The following PTPRD variants were observed in gnomAD, a reference collection of about 807,000 sequenced individuals.
PTPRD encodes the protein receptor-type tyrosine-protein phosphatase delta.
In PTPRD, 34 loss-of-function variants were observed where a neutral mutation model predicts 214.5. The observed-to-expected ratio is 0.16, with a 90% CI of 0.12 to 0.21. The LOEUF is 0.21. Among genes scored for constraint, PTPRD ranks in the 10% least tolerant of loss-of-function variants. The pLI, the probability that PTPRD is intolerant of heterozygous loss-of-function variation, is 1.00. For missense variants in PTPRD, 2,545 were observed against 2,398.7 expected (o/e 1.06, Z -1.27); for synonymous variants, 1,128 against 845.7 (o/e 1.33, Z -5.79).
intron 11 of PTPRD, among the ~76,000 whole-genome samples, chr9:8,781,506 T>A (rs1309516074): frequency 1.3e-5 from 2 of 152,156 alleles, no homozygotes; most frequent in African/African-American, 4.8e-5. Flanking sequence ...GGTTTTAAAG[T>A]AAGAGTACAA....
In PTPRD at chr9:8,633,438, C is replaced by A. The variant is rs145907213; in HGVS notation, c.231G>T (p.Gly77=). ...QRFEVIEFDD[G]SGSVLRIQPL... ...GTTGTATTCTGAGAACTGATCCAGA[C>A]CCATCGTCAAACTCTATTACCTATT... Residue 77 remains glycine, a synonymous_variant, in exon 14 of 46, where the codon GGG becomes GGT. Transcript: ENST00000381196. The A allele has an allele frequency of 1.9e-6, 3 of 1,612,268 alleles. No individual in the cohort carries two copies. The highest frequency in any genetic ancestry group is 2.5e-6 in the Non-Finnish European group (3 of 1,178,948).
intron 7 of PTPRD, among the ~76,000 whole-genome samples, chr9:9,677,721 C>A (rs916504202): frequency 2.6e-5 from 4 of 151,878 alleles, no homozygotes; most frequent in Non-Finnish European, 4.4e-5. Context: ...CTGGCCAGGG[C>A]TATCAGGCAG....
intron 9 of PTPRD, among the ~76,000 whole-genome samples, chr9:9,262,597 A>T (rs1283649161): frequency 6.6e-6 from 1 of 150,618 alleles, no homozygotes; most frequent in East Asian, 2.0e-4. Context: ...ATAAATGAGT[A>T]AAAAAAAATG....
chr9:9,234,558 G>C lies in PTPRD; in HGVS notation c.-202-51195C>G, dbSNP rs191154553. On this transcript the variant is annotated intron_variant, in intron 9 of 45. Coordinates refer to ENST00000381196, the MANE Select transcript of PTPRD (RefSeq NM_002839.4). ...TTTCTTCTTTTCTATGACATCACCC[G>C]GCTGCAAATTTTCCAAACTTTTATG... Among the ~76,000 whole-genome samples the C allele has an allele frequency of 4.0e-3, 602 of 152,138 alleles. 2 individuals are homozygous for C. The highest frequency in any genetic ancestry group is 0.014 in the African/African-American group (584 of 41,490).
At chr9:8,462,761 G>A (rs1049653672) in intron 32 of PTPRD, among the ~76,000 whole-genome samples, 13 of 151,798 alleles carry the variant, frequency 8.6e-5, no homozygotes, top group African/African-American at 1.7e-4. Flanking sequence ...AACCAAAAAA[G>A]ATAAAAATAA....
intron 11 of PTPRD, among the ~76,000 whole-genome samples, chr9:8,747,748 C>A (rs868320349): frequency 6.6e-6 from 1 of 152,104 alleles, no homozygotes; most frequent in East Asian, 1.9e-4. Context: ...TTACTTAAAA[C>A]CCTTCACCAA....
chr9:9,194,796 G>A (rs926716160), intron 9 of PTPRD, among the ~76,000 whole-genome samples: 4 of 151,996 alleles, frequency 2.6e-5, no homozygotes, highest in Admixed American at 2.6e-4. Flanking sequence ...TAAACATTTT[G>A]CTTATTACTA....
chr9:9,737,160 A>C (rs1227810675), intron 6 of PTPRD, among the ~76,000 whole-genome samples: 5 of 152,100 alleles, frequency 3.3e-5, no homozygotes, highest in Admixed American at 6.6e-5. Context: ...TGACATTTTC[A>C]AACTGCTCTA....
chr9:9,365,041 C>T (rs951122858), intron 9 of PTPRD, among the ~76,000 whole-genome samples: 18 of 151,400 alleles, frequency 1.2e-4, no homozygotes, highest in Non-Finnish European at 1.9e-4. Context: ...AAGGATGACT[C>T]CCATCTTACC....
intron 9 of PTPRD, among the ~76,000 whole-genome samples, chr9:9,264,048 G>T (rs1418527846): frequency 6.6e-6 from 1 of 151,568 alleles, no homozygotes; most frequent in Non-Finnish European, 1.5e-5. Context: ...CTTTCCTGAA[G>T]CCAGTCAGTA....
chr9:9,205,432 G>T (rs115735772), intron 9 of PTPRD, among the ~76,000 whole-genome samples: 1 of 151,952 alleles, frequency 6.6e-6, no homozygotes, highest in African/African-American at 2.4e-5. Context: ...ATGGTAATGC[G>T]TTGCTTAGGT....
chr9:9,185,677 C>T (rs983029278), intron 9 of PTPRD, among the ~76,000 whole-genome samples: 1 of 151,940 alleles, frequency 6.6e-6, no homozygotes, highest in Non-Finnish European at 1.5e-5. Context: ...GGCTCTATTC[C>T]ATTACTCATT....
At chr9:8,691,684 C>G (rs1367488864) in intron 12 of PTPRD, among the ~76,000 whole-genome samples, 2 of 152,138 alleles carry the variant, frequency 1.3e-5, no homozygotes, top group Non-Finnish European at 1.5e-5. Context: ...TTCCAAGAGG[C>G]CAAACAATTT....
At chr9:8,788,538 G>A (rs1334562265) in intron 11 of PTPRD, among the ~76,000 whole-genome samples, 3 of 151,996 alleles carry the variant, frequency 2.0e-5, no homozygotes, top group Admixed American at 6.6e-5. Flanking sequence ...GCCTCCCAAA[G>A]TGCTGGGATT....
chr9:9,390,646 T>C (rs539537636), intron 9 of PTPRD, among the ~76,000 whole-genome samples: 5 of 152,182 alleles, frequency 3.3e-5, no homozygotes, highest in Non-Finnish European at 7.4e-5. Flanking sequence ...GACAAGTAGA[T>C]CTCATTACAA....
Position 10,282,240 on chromosome 9 carries a change from T to C in PTPRD, c.-545+58723A>G, listed in dbSNP as rs78654424. Among the ~76,000 whole-genome samples the C allele has an allele frequency of 3.3e-3, 510 of 152,268 alleles. 3 individuals carry two copies. The highest frequency in any genetic ancestry group is 0.011 in the African/African-American group (475 of 41,564). On this transcript the variant is annotated intron_variant, in intron 3 of 45. Coordinates refer to ENST00000381196, the MANE Select transcript of PTPRD (RefSeq NM_002839.4). Reference sequence around the variant, plus strand: ...AATGGGAATGATAACAATAACCTTATAGGATTAGGCAGTAACTTAATTGAC... The same window carrying C: ...AATGGGAATGATAACAATAACCTTACAGGATTAGGCAGTAACTTAATTGAC...
chr9:9,297,641 A>T (rs79115525), intron 9 of PTPRD, among the ~76,000 whole-genome samples: 1 of 151,714 alleles, frequency 6.6e-6, no homozygotes, highest in Admixed American at 6.6e-5. Context: ...ATTATTACTA[A>T]CTGTAAACCA....
chr9:9,857,362 G>C (rs1290272491), intron 5 of PTPRD, among the ~76,000 whole-genome samples: 4 of 152,176 alleles, frequency 2.6e-5, no homozygotes, highest in African/African-American at 9.7e-5. Context: ...ATGGAGAAGA[G>C]AACAACAATT....
At chr9:10,343,338 T>C (rs1236759287) in intron 2 of PTPRD, among the ~76,000 whole-genome samples, 1 of 152,186 alleles carries the variant, frequency 6.6e-6, no homozygotes, top group Non-Finnish European at 1.5e-5. Context: ...TTATATTCCA[T>C]GGTGTATATG....
Sources: allele counts gnomAD v4.1 joint callset (sites outside exome capture counted in the v4.1 genomes callset), GRCh38; gene constraint gnomAD v4.1.1; transcripts MANE v1.5; gene names NCBI Gene and HGNC (gene_info 2026-07-23, HGNC 2026-07-21).